The following MAPT variants were observed in gnomAD, a reference collection of about 807,000 sequenced individuals.
MAPT encodes the protein microtubule associated protein tau.
In MAPT, 34 loss-of-function variants were observed where a neutral mutation model predicts 67.9. The observed-to-expected ratio is 0.50, with a 90% CI of 0.38 to 0.67. The LOEUF (loss-of-function observed/expected upper bound fraction) is 0.67. Ranked by LOEUF, MAPT falls within the 30% of genes least tolerant of loss-of-function variation. The pLI, the probability that MAPT is intolerant of heterozygous loss-of-function variation, is 0.00. For missense variants in MAPT, 881 were observed against 1,115.2 expected, an observed-to-expected ratio of 0.79 and a Z score of 2.99; for synonymous variants, 456 against 464.5, an observed-to-expected ratio of 0.98 and a Z score of 0.23.
At chr17:45,941,152 C>T (rs991605583) in intron 1 of MAPT, among the ~76,000 whole-genome samples, 17 of 152,178 alleles carry the variant, frequency 1.1e-4, no homozygotes, top group African/African-American at 3.9e-4. Context: ...GCCACAACTC[C>T]TACCTACGGG....
chr17:46,009,402 G>A (rs2075673786), intron 9 of MAPT, among the ~76,000 whole-genome samples: 1 of 112,838 alleles, frequency 8.9e-6, no homozygotes. Flanking sequence ...TCATCAAAAC[G>A]CTGATATTTT....
At chr17:45,931,150 T>C (rs551270979) in intron 1 of MAPT, among the ~76,000 whole-genome samples, 1 of 152,342 alleles carries the variant, frequency 6.6e-6, no homozygotes, top group Admixed American at 6.5e-5. Context: ...TGATTGAGAC[T>C]GGCTGATGTT....
rs1347264680 is a variant in MAPT at position 45,971,510 on chromosome 17, A to C, written c.134-349A>C. On this transcript the variant is annotated intron_variant, in intron 2 of 12. Coordinates refer to ENST00000262410, the MANE Select transcript of MAPT (RefSeq NM_001377265.1). The surrounding 1 kb of genome is among the most constrained non-coding windows in gnomAD (Gnocchi z 4.3). ...ATAGCAATGACAAAGCAGAAGGTTC[A>C]TGCGTAGCTCGGCTTTCTGGTATTT... Among the ~76,000 whole-genome samples the C allele has an allele frequency of 6.6e-6, 1 of 152,226 alleles. No individual in the cohort carries two copies.
rs563979141 is a variant in MAPT, at chr17:45,969,600, A to G, written c.134-2259A>G. Among the ~76,000 whole-genome samples the G allele has an allele frequency of 2.6e-5, 3 of 114,646 alleles. No homozygotes were observed. The East Asian group carries it at 6.5e-4, about 25-fold the overall frequency. 75.2% of individuals were successfully genotyped at this position (114,646 alleles called of 152,430 possible). A position where few individuals can be genotyped will look rare whatever the true frequency, so the allele number is the denominator to read the frequency against. On this transcript the variant is annotated intron_variant, in intron 2 of 12. Coordinates refer to ENST00000262410, the MANE Select transcript of MAPT (RefSeq NM_001377265.1). ...ACCCATCCCTTCCTTCATCCTTCCTATCATCCATCCAATCATATATCTGTA... is the reference window on the plus strand; with the variant it reads ...ACCCATCCCTTCCTTCATCCTTCCTGTCATCCATCCAATCATATATCTGTA...
intron 1 of MAPT, among the ~76,000 whole-genome samples, chr17:45,936,874 A>G (rs988697508): frequency 6.6e-5 from 10 of 152,192 alleles, no homozygotes; most frequent in African/African-American, 2.2e-4. Context: ...TGAGAGCCAC[A>G]TATGCCTCCC....
chr17:46,016,335 G>C (rs1598400960), intron 11 of MAPT, among the ~76,000 whole-genome samples: 1 of 150,868 alleles, frequency 6.6e-6, no homozygotes, highest in Admixed American at 6.6e-5. Flanking sequence ...GAGGCTGAGT[G>C]AGCCAAGATC....
intron 1 of MAPT, among the ~76,000 whole-genome samples, chr17:45,933,965 AATG>A (rs2067101288): frequency 6.6e-6 from 1 of 152,056 alleles, no homozygotes; most frequent in African/African-American, 2.4e-5. Context: ...TTCTTAGAAG[AATG>A]ATATCATCAT....
chr17:45,992,996 C>A (rs908191624), intron 8 of MAPT, among the ~76,000 whole-genome samples: 4 of 152,104 alleles, frequency 2.6e-5, no homozygotes, highest in Non-Finnish European at 5.9e-5. Context: ...GTATTCCAGG[C>A]CCCTGGGTTT....
chr17:46,010,215 G>T lies in MAPT; in HGVS notation c.1999-95G>T. On this transcript the variant is annotated intron_variant, in intron 9 of 12. Coordinates refer to ENST00000262410, the MANE Select transcript of MAPT (RefSeq NM_001377265.1). The surrounding 1 kb of genome is among the most constrained non-coding windows in gnomAD (Gnocchi z 4.7). ...GCGAGCAAGTAGGCGGGTCCAGGGT[G>T]GCGCATGTCACTCATCGAAAGTGGA... 1.2e-6 allele frequency: 1 copy of T among 811,476 alleles called. No individual in the cohort carries two copies. 50.3% of individuals were successfully genotyped at this position (811,476 alleles called of 1,614,324 possible). A position where few individuals can be genotyped will look rare whatever the true frequency, so the allele number is the denominator to read the frequency against.
intron 2 of MAPT, among the ~76,000 whole-genome samples, chr17:45,966,563 T>C (rs1046945196): frequency 6.6e-6 from 1 of 152,184 alleles, no homozygotes; most frequent in South Asian, 2.1e-4. Flanking sequence ...CACTCCAACC[T>C]GGGCAACAGA....
intron 1 of MAPT, among the ~76,000 whole-genome samples, chr17:45,941,126 G>C (rs2067811849): frequency 6.6e-6 from 1 of 152,188 alleles, no homozygotes; most frequent in African/African-American, 2.4e-5. Flanking sequence ...ACCAGCTTCT[G>C]CAGGCCAGCT....
chr17:45,932,739 A>G (rs2066959813), intron 1 of MAPT, among the ~76,000 whole-genome samples: 1 of 152,202 alleles, frequency 6.6e-6, no homozygotes, highest in African/African-American at 2.4e-5. Context: ...TAACTTTTTT[A>G]AAGTGCTAAC....
At chr17:45,920,175 A>G (rs1399731785) in intron 1 of MAPT, among the ~76,000 whole-genome samples, 1 of 151,978 alleles carries the variant, frequency 6.6e-6, no homozygotes, top group Non-Finnish European at 1.5e-5. Flanking sequence ...TCTGGTGCCT[A>G]TTTTTGTTTG....
chr17:45,944,754 G>A (rs1368439677), intron 1 of MAPT, among the ~76,000 whole-genome samples: 1 of 152,148 alleles, frequency 6.6e-6, no homozygotes, highest in Non-Finnish European at 1.5e-5. Flanking sequence ...AGTGCTCTTT[G>A]GCCAGTGACC....
chr17:46,013,726 G>A (rs62062269), intron 10 of MAPT, among the ~76,000 whole-genome samples: 4 of 152,024 alleles, frequency 2.6e-5, no homozygotes, highest in Non-Finnish European at 4.4e-5. Flanking sequence ...TAAAGCCCAC[G>A]CATCGACCCT....
chr17:45,995,358 C>A lies in MAPT; in HGVS notation c.1733-1041C>A, dbSNP rs572593770. ...TGAGAAAAATGAGGCTTTGCAGGTC[C>A]CACCCCTAGAGATTCTGCTCTATCC... On this transcript the variant is annotated intron_variant, in intron 8 of 12. Coordinates refer to ENST00000262410, the MANE Select transcript of MAPT (RefSeq NM_001377265.1). The surrounding 1 kb of genome is among the most constrained non-coding windows in gnomAD (Gnocchi z 4.3). Among the ~76,000 whole-genome samples the A allele has an allele frequency of 6.6e-6, 1 of 152,228 alleles. No homozygotes were observed. Among genetic ancestry groups the A allele is most frequent in the African/African-American group, 2.4e-5 (1 of 41,540 alleles).
intron 1 of MAPT, among the ~76,000 whole-genome samples, chr17:45,957,727 GA>G (rs577934370): frequency 1.1e-3 from 164 of 152,072 alleles, no homozygotes; most frequent in African/African-American, 3.9e-3. Flanking sequence ...TCAGAAACCA[GA>G]AAAAAATGGA....
chr17:45,970,419 C>T (rs1343637210), intron 2 of MAPT, among the ~76,000 whole-genome samples: 3 of 152,210 alleles, frequency 2.0e-5, no homozygotes, highest in South Asian at 2.1e-4. Flanking sequence ...TCCATCCGTC[C>T]GTCCACCCAT....
intron 5 of MAPT, chr17:45,985,816 G>T (rs2073483478): frequency 2.9e-6 from 2 of 681,474 alleles, no homozygotes; most frequent in South Asian, 6.5e-5. Flanking sequence ...TACAGACCCA[G>T]TTGTGGGGTA....
Sources: gnomAD v4.1 joint callset for allele counts (sites outside exome capture counted in the v4.1 genomes callset) on GRCh38, gnomAD v4.1.1 for gene constraint, Gnocchi (gnomAD v3.1) non-coding constraint, MANE v1.5 for transcripts, NCBI Gene and HGNC (gene_info 2026-07-23, HGNC 2026-07-21) for gene names.